KCNIP4: variants seen among roughly 807,000 people sequenced by gnomAD.
KCNIP4 encodes Kv channel-interacting protein 4.
Under a neutral mutation model 34.0 loss-of-function variants are expected in KCNIP4, and 12 were observed. The observed-to-expected ratio is 0.35, with a 90% confidence interval of 0.23 to 0.57. The LOEUF is 0.57. Ranked by LOEUF, KCNIP4 falls within the 20% of genes least tolerant of loss-of-function variation. The pLI, the probability that KCNIP4 is intolerant of heterozygous loss-of-function variation, is 0.83. For missense variants in KCNIP4, 238 were observed against 311.7 expected, an observed-to-expected ratio of 0.76 and a Z score of 1.78; for synonymous variants, 124 against 102.2, an observed-to-expected ratio of 1.21 and a Z score of -1.29.
chr4:20,980,479 C>CT (rs1560618886), intron 1 of KCNIP4, among the ~76,000 whole-genome samples: 2 of 152,224 alleles, frequency 1.3e-5, no homozygotes, highest in African/African-American at 2.4e-5. Flanking sequence ...TCAATTAAAA[C>CT]TTTTTTTAAA....
At chr4:21,845,417 C>T (rs1723951688) in intron 1 of KCNIP4, 1 of 152,032 alleles carries the variant, frequency 6.6e-6, no homozygotes, top group South Asian at 2.1e-4. Flanking sequence ...CATTTATAAA[C>T]ATAAAAATCG....
intron 1 of KCNIP4, among the ~76,000 whole-genome samples, chr4:21,827,566 G>A (rs568825585): frequency 1.3e-5 from 2 of 152,072 alleles, no homozygotes; most frequent in Admixed American, 6.6e-5. Flanking sequence ...ACATCCTCAA[G>A]GTCTCTGCCA....
At position 21,862,700 on chromosome 4, in the gene KCNIP4, G is replaced by A. The variant is rs1270708129; in HGVS notation, c.61+85871C>T. ...CGTAAACAGAATTAAGGGGCCCAGC[G>A]TGGTGGCTCACGCCTGTAATCCCAG... On this transcript the variant is annotated intron_variant, in intron 1 of 8. Coordinates refer to ENST00000382152, the MANE Select transcript of KCNIP4 (RefSeq NM_025221.6). Among the ~76,000 whole-genome samples, 7 of 152,310 alleles carry A rather than the reference G, an allele frequency of 4.6e-5. No individual in the cohort carries two copies. The South Asian group carries it at 1.0e-3, about 23-fold the overall frequency.
rs902134177 is a variant in KCNIP4 at position 21,769,939 on chromosome 4, G to C, written c.61+178632C>G. Among the ~76,000 whole-genome samples, 9 of 152,264 alleles carry C rather than the reference G, an allele frequency of 5.9e-5. No individual in the cohort carries two copies. The East Asian group carries it at 1.5e-3, about 26-fold the overall frequency. On this transcript the variant is annotated intron_variant, in intron 1 of 8. Transcript: ENST00000382152. ...TTACTAAAATGAGAATGGGACCTAG[G>C]AGGAGGGCAGCTTGGCCAGCTGCCA... is the stretch of plus-strand genomic sequence containing the variant.
rs62652513 is a variant in KCNIP4, at chr4:21,234,185, G to A, written c.62-351476C>T. ...GTATATTATATATAACATATATAAC[G>A]TATATTATATATAACATATATAACG... On this transcript the variant is annotated intron_variant, in intron 1 of 8. Coordinates refer to ENST00000382152, the MANE Select transcript of KCNIP4 (RefSeq NM_025221.6). 1.7e-3 allele frequency among the ~76,000 whole-genome samples: 60 copies of A among 34,398 alleles called. 14 individuals carry two copies. The highest frequency in any genetic ancestry group is 9.2e-3 in the African/African-American group (35 of 3,806). The allele number at this position is 34,398 out of a possible 152,430, so 22.6% of individuals were successfully genotyped here.
Position 21,582,583 on chromosome 4 carries a change from T to C in KCNIP4, c.61+365988A>G, listed in dbSNP as rs566572131. Among the ~76,000 whole-genome samples, 13 of 152,100 alleles carry C rather than the reference T, an allele frequency of 8.5e-5. No homozygotes were observed. In the East Asian group the frequency reaches 2.5e-3, roughly 29 times the overall value. On this transcript the variant is annotated intron_variant, in intron 1 of 8. Transcript: ENST00000382152. ...TACTGAAAGTATTATGCACAAAAAATAGGATCAGAAATACAAGTTTAAAAA... is the reference window on the plus strand; with the variant it reads ...TACTGAAAGTATTATGCACAAAAAACAGGATCAGAAATACAAGTTTAAAAA...
intron 1 of KCNIP4, among the ~76,000 whole-genome samples, chr4:21,313,122 G>A (rs1346618057): frequency 6.6e-6 from 1 of 152,170 alleles, no homozygotes; most frequent in Non-Finnish European, 1.5e-5. Context: ...GTTGTCTGAT[G>A]CATAATTCAC....
At chr4:21,200,891 G>T (rs1756443555) in intron 1 of KCNIP4, among the ~76,000 whole-genome samples, 1 of 151,864 alleles carries the variant, frequency 6.6e-6, no homozygotes, top group Middle Eastern at 3.2e-3. Flanking sequence ...AAATCAAATA[G>T]GCAGAAATGC....
At chr4:21,340,902 A>T (rs2109346803) in intron 1 of KCNIP4, among the ~76,000 whole-genome samples, 1 of 152,268 alleles carries the variant, frequency 6.6e-6, no homozygotes, top group Admixed American at 6.5e-5. Context: ...AGGCTCTGTA[A>T]TTTGTTAAAT....
intron 1 of KCNIP4, among the ~76,000 whole-genome samples, chr4:21,060,781 G>T (rs1743847827): frequency 1.3e-5 from 2 of 152,264 alleles, no homozygotes; most frequent in East Asian, 3.9e-4. Flanking sequence ...ACTCCTTAAA[G>T]AATTGTTTGA....
chr4:20,947,098 T>C (rs1276050353), intron 1 of KCNIP4, among the ~76,000 whole-genome samples: 1 of 152,148 alleles, frequency 6.6e-6, no homozygotes, highest in African/African-American at 2.4e-5. Flanking sequence ...CAGTGCAAAG[T>C]CTGTTTCCTC....
chr4:21,285,555 G>A (rs372027590), intron 1 of KCNIP4, among the ~76,000 whole-genome samples: 5 of 152,272 alleles, frequency 3.3e-5, no homozygotes, highest in East Asian at 3.9e-4. Context: ...AAGGCCGGGC[G>A]TGGTGGCTCA....
chr4:20,743,295 A>G (rs553792307), intron 5 of KCNIP4, among the ~76,000 whole-genome samples: 253 of 152,358 alleles, frequency 1.7e-3, no homozygotes, highest in African/African-American at 5.7e-3. Context: ...GAACCAAAAC[A>G]GAGCCCACAT....
At chr4:21,274,163 A>G (rs1181202586) in intron 1 of KCNIP4, among the ~76,000 whole-genome samples, 1 of 152,212 alleles carries the variant, frequency 6.6e-6, no homozygotes, top group African/African-American at 2.4e-5. Context: ...TCTATGAAAC[A>G]GATGCTCCTG....
intron 1 of KCNIP4, among the ~76,000 whole-genome samples, chr4:20,898,014 C>T (rs1726745370): frequency 6.6e-6 from 1 of 152,116 alleles, no homozygotes; most frequent in Admixed American, 6.6e-5. Context: ...AAAGAAGACC[C>T]ACCCTCACCA....
chr4:20,924,705 C>T (rs934374046), intron 1 of KCNIP4, among the ~76,000 whole-genome samples: 2 of 152,148 alleles, frequency 1.3e-5, no homozygotes, highest in East Asian at 1.9e-4. Context: ...AATCAGTTTG[C>T]GTCCCAGATC....
chr4:21,016,935 A>C (rs1468276927), intron 1 of KCNIP4, among the ~76,000 whole-genome samples: 1 of 152,200 alleles, frequency 6.6e-6, no homozygotes, highest in Non-Finnish European at 1.5e-5. Context: ...GGTGCCTTCC[A>C]GAGGCCTAAT....
chr4:20,931,196 C>CAT (rs1040066485), intron 1 of KCNIP4, among the ~76,000 whole-genome samples: 1 of 151,364 alleles, frequency 6.6e-6, no homozygotes, highest in African/African-American at 2.4e-5. Flanking sequence ...CACACACACA[C>CAT]AGACACACAC....
chr4:21,684,153 A>C (rs1297708567), intron 1 of KCNIP4, among the ~76,000 whole-genome samples: 1 of 152,190 alleles, frequency 6.6e-6, no homozygotes, highest in Admixed American at 6.5e-5. Context: ...AAAGCACATA[A>C]AAAATGCTTA....
Sources: gnomAD v4.1 joint callset for allele counts (sites outside exome capture counted in the v4.1 genomes callset) on GRCh38, gnomAD v4.1.1 for gene constraint, MANE v1.5 for transcripts, NCBI Gene and HGNC (gene_info 2026-07-23, HGNC 2026-07-21) for gene names.